TRAPPC8: variants seen among roughly 807,000 people sequenced by gnomAD.
The protein encoded by TRAPPC8 is trafficking protein particle complex subunit 8.
A neutral mutation model predicts 174.3 loss-of-function variants in TRAPPC8; 54 were observed. That is an observed-to-expected ratio of 0.31 (90% CI 0.25 to 0.39). TRAPPC8 has a LOEUF of 0.39. Ranked by LOEUF, TRAPPC8 falls within the 10% of genes least tolerant of loss-of-function variation. The probability of loss-of-function intolerance (pLI) is 1.00; values close to 1 mark genes in which losing one functional copy is unlikely to be tolerated. For missense variants in TRAPPC8, 1,531 were observed against 1,699.1 expected (o/e 0.90, Z 1.74); for synonymous variants, 630 against 579.9 (o/e 1.09, Z -1.24).
At position 31,835,942 on chromosome 18, in the gene TRAPPC8, C is replaced by T. The variant is rs531000377; in HGVS notation, c.3983+3370G>A. Among the ~76,000 whole-genome samples the T allele has an allele frequency of 2.1e-3, 316 of 152,266 alleles. 1 individual carries two copies. Among genetic ancestry groups the T allele is most frequent in the Non-Finnish European group, 3.5e-3 (238 of 68,012 alleles). On this transcript the variant is annotated intron_variant, in intron 27 of 28. Transcript: ENST00000283351. The stretch of plus-strand genomic sequence containing the variant: ...GGGCCCAAAATATATGTGGCACAGA[C>T]GGGAACCCAAGTTTCTTCAGGTGCC...
chr18:31,838,479 A>G (rs1421254759), intron 27 of TRAPPC8, among the ~76,000 whole-genome samples: 1 of 152,114 alleles, frequency 6.6e-6, no homozygotes, highest in Non-Finnish European at 1.5e-5. Flanking sequence ...GACCACAAAC[A>G]TGCCTATATC....
In TRAPPC8 at chr18:31,874,538, C is replaced by A; in HGVS notation, c.1895G>T (p.Ser632Ile). 6.2e-7 allele frequency: 1 copy of A among 1,614,108 alleles called. No individual in the cohort carries two copies. The highest frequency in any genetic ancestry group is 1.7e-5 in the Admixed American group (1 of 60,014). Residue 632 changes from serine (S) to isoleucine (I), a missense_variant, in exon 13 of 29, where the codon AGT becomes ATT. Physicochemically the swap from Ser to Ile is moderately radical, Grantham distance 142 (BLOSUM62 -2). Transcript: ENST00000283351. ...CCCCTGTTGAGCAGCAGATTGTTTACTTTCATTAATTAGAATATGCCTAAA... is the reference window on the plus strand; with the variant it reads ...CCCCTGTTGAGCAGCAGATTGTTTAATTTCATTAATTAGAATATGCCTAAA... The part of the protein sequence containing the change: ...SAFRHILINE[S>I]KQSAAQQGAF...
chr18:31,912,969 A>G (rs1269432019), intron 5 of TRAPPC8, among the ~76,000 whole-genome samples: 1 of 151,980 alleles, frequency 6.6e-6, no homozygotes, highest in African/African-American at 2.4e-5. Context: ...CTCTACTAAA[A>G]ATACAAAAAT....
intron 11 of TRAPPC8, among the ~76,000 whole-genome samples, chr18:31,892,549 T>C (rs902371757): frequency 2.6e-5 from 4 of 152,290 alleles, no homozygotes; most frequent in Non-Finnish European, 5.9e-5. Flanking sequence ...ATATTTTTAA[T>C]AGAGAAATTT....
chr18:31,905,173 T>C (rs1168340328), intron 9 of TRAPPC8, among the ~76,000 whole-genome samples: 1 of 152,180 alleles, frequency 6.6e-6, no homozygotes, highest in East Asian at 1.9e-4. Context: ...CTACAACACA[T>C]TTTTATCTTA....
intron 26 of TRAPPC8, among the ~76,000 whole-genome samples, chr18:31,843,870 T>G (rs2033242830): frequency 6.6e-6 from 1 of 152,242 alleles, no homozygotes; most frequent in African/African-American, 2.4e-5. Flanking sequence ...AAAATTATTA[T>G]GAAATATTAT....
intron 12 of TRAPPC8, chr18:31,883,822 C>G (rs1029849787): frequency 6.6e-6 from 1 of 152,274 alleles, no homozygotes; most frequent in Admixed American, 6.5e-5. Context: ...AGAGGAAGTC[C>G]TGAAACAAGC....
chr18:31,940,329 G>A (rs1028927949), intron 1 of TRAPPC8, among the ~76,000 whole-genome samples: 1 of 151,556 alleles, frequency 6.6e-6, no homozygotes, highest in African/African-American at 2.4e-5. Flanking sequence ...ACAAAAATAA[G>A]CCGTGAGCGC....
intron 26 of TRAPPC8, among the ~76,000 whole-genome samples, chr18:31,843,148 T>A (rs1194754094): frequency 2.0e-5 from 3 of 152,188 alleles, no homozygotes; most frequent in Non-Finnish European, 2.9e-5. Context: ...TATATTAATC[T>A]GCAACACAAT....
intron 2 of TRAPPC8, among the ~76,000 whole-genome samples, chr18:31,921,834 T>C (rs902654396): frequency 4.6e-5 from 7 of 152,188 alleles, no homozygotes; most frequent in African/African-American, 1.7e-4. Flanking sequence ...ATTATATATA[T>C]ATTTAGAGGA....
Position 31,857,653 on chromosome 18 carries a change from TAGA to T in TRAPPC8, c.3072_3074del (p.Leu1025del), listed in dbSNP as rs1159361980. On this transcript the variant is annotated inframe_deletion, in exon 20 of 29. Transcript: ENST00000283351. ...TTGGCAGCTGCACTGAGGCTCCGGG[TAGA>T]AGAACAGTGTCAGGAAGGGGAACAG... is the stretch of plus-strand genomic sequence containing the variant. The T allele has an allele frequency of 6.2e-7, 1 of 1,614,026 alleles. No homozygotes were observed. Among genetic ancestry groups the T allele is most frequent in the African/African-American group, 1.3e-5 (1 of 74,934 alleles).
At position 31,942,874 on chromosome 18, in the gene TRAPPC8, G is replaced by A; in HGVS notation, c.-110C>T. On this transcript the variant is annotated 5_prime_UTR_variant, in exon 1 of 29. Coordinates refer to ENST00000283351, the MANE Select transcript of TRAPPC8 (RefSeq NM_014939.5). The stretch of plus-strand genomic sequence containing the variant: ...CCGCCGGCCTGGCCCGGCCGGGCGG[G>A]GCCCCGAACGCACTGGAGCCTAGAA... 1.6e-6 allele frequency: 2 copies of A among 1,254,952 alleles called. No homozygotes were observed. Among genetic ancestry groups the A allele is most frequent in the Admixed American group, 4.2e-5 (1 of 23,720 alleles). The allele number at this position is 1,254,952 out of a possible 1,614,324, so 77.7% of individuals were successfully genotyped here. A position where few individuals can be genotyped will look rare whatever the true frequency, so the allele number is the denominator to read the frequency against.
At chr18:31,882,659 C>A (rs1313701007) in intron 12 of TRAPPC8, among the ~76,000 whole-genome samples, 1 of 151,908 alleles carries the variant, frequency 6.6e-6, no homozygotes, top group African/African-American at 2.4e-5. Context: ...CTCTGTCGCT[C>A]AGGTTGGAGT....
At chr18:31,865,618 T>C in intron 18 of TRAPPC8, among the ~76,000 whole-genome samples, 1 of 151,880 alleles carries the variant, frequency 6.6e-6, no homozygotes, top group East Asian at 1.9e-4. Context: ...ATATAAAGTA[T>C]TTTTTAATGC....
At position 31,835,128 on chromosome 18, in the gene TRAPPC8, G is replaced by A. The variant is rs186963508; in HGVS notation, c.3984-2955C>T. On this transcript the variant is annotated intron_variant, in intron 27 of 28. Transcript: ENST00000283351. ...CTGTTCCCATTCTAACAAACACAGT[G>A]ACAGTAACTCAGTACAGCGAGAATT... 3.3e-5 allele frequency among the ~76,000 whole-genome samples: 5 copies of A among 152,208 alleles called. No individual in the cohort carries two copies. In the South Asian group the frequency reaches 6.2e-4, roughly 19 times the overall value.
At chr18:31,889,764 C>T (rs2035876928) in intron 12 of TRAPPC8, among the ~76,000 whole-genome samples, 1 of 152,002 alleles carries the variant, frequency 6.6e-6, no homozygotes, top group Non-Finnish European at 1.5e-5. Context: ...TCTAACTTTC[C>T]ACAGGTTCCA....
At chr18:31,920,945 CAAA>C (rs71177808) in intron 2 of TRAPPC8, among the ~76,000 whole-genome samples, 3 of 76,892 alleles carry the variant, frequency 3.9e-5, no homozygotes, top group Non-Finnish European at 2.6e-5. Flanking sequence ...CACTCCGTCT[CAAA>C]AAAAAAAAAA....
At chr18:31,882,308 A>G (rs972585807) in intron 12 of TRAPPC8, among the ~76,000 whole-genome samples, 1 of 152,186 alleles carries the variant, frequency 6.6e-6, no homozygotes, top group Non-Finnish European at 1.5e-5. Context: ...TTGCAGCAAC[A>G]TGGATGGAGG....
rs1440013254 is a variant in TRAPPC8 at position 31,880,091 on chromosome 18, ATATATAT to A, written c.1729-5394_1729-5388del. ...TTTACTGAAACTATTGAAAAAAAAA[ATATATAT>A]ATATATATATATATATATATATATT... On this transcript the variant is annotated intron_variant, in intron 12 of 28. Coordinates refer to ENST00000283351, the MANE Select transcript of TRAPPC8 (RefSeq NM_014939.5). Among the ~76,000 whole-genome samples, 562 of 70,232 alleles carry A rather than the reference ATATATAT, an allele frequency of 8.0e-3. 17 individuals are homozygous for A. Among genetic ancestry groups the A allele is most frequent in the African/African-American group, 0.027 (500 of 18,730 alleles). 46.1% of individuals were successfully genotyped at this position (70,232 alleles called of 152,430 possible). A position where few individuals can be genotyped will look rare whatever the true frequency, so the allele number is the denominator to read the frequency against.
Sources: gnomAD v4.1 joint callset for allele counts (sites outside exome capture counted in the v4.1 genomes callset) on GRCh38, gnomAD v4.1.1 for gene constraint, MANE v1.5 for transcripts, NCBI Gene and HGNC (gene_info 2026-07-23, HGNC 2026-07-21) for gene names.